The following MACROD2 variants were observed in gnomAD, a reference collection of about 807,000 sequenced individuals.
MACROD2 encodes mono-ADP ribosylhydrolase 2.
A neutral mutation model predicts 70.4 loss-of-function variants in MACROD2; 36 were observed. The ratio of observed to expected loss-of-function variants is 0.51; its 90% CI spans 0.39 to 0.68. The LOEUF (loss-of-function observed/expected upper bound fraction) is 0.68. Among genes scored for constraint, MACROD2 ranks in the 30% least tolerant of loss-of-function variants. MACROD2 has a pLI of 0.00. For synonymous variants in MACROD2, 172 were observed against 178.8 expected, an observed-to-expected ratio of 0.96 and a Z score of 0.30; for missense variants, 496 against 538.4, an observed-to-expected ratio of 0.92 and a Z score of 0.78.
Position 15,563,843 on chromosome 20 carries a change from G to A in MACROD2, c.645+63996G>A, listed in dbSNP as rs146135749. ...AAACAAAATGATCAATGAAAGCAGG[G>A]TAAGGATGAAGGAATCCTTAAACTG... On this transcript the variant is annotated intron_variant, in intron 8 of 17. Transcript: ENST00000684519. Among the ~76,000 whole-genome samples the A allele has an allele frequency of 3.7e-3, 561 of 152,312 alleles. 4 individuals are homozygous for A. Among genetic ancestry groups the A allele is most frequent in the African/African-American group, 0.013 (536 of 41,570 alleles).
intron 3 of MACROD2, among the ~76,000 whole-genome samples, chr20:14,486,513 C>CATT (rs1555795563): frequency 1.0e-5 from 1 of 97,064 alleles, no homozygotes; most frequent in Non-Finnish European, 1.9e-5. Flanking sequence ...AAATAGCCAA[C>CATT]TTTTTATTTT....
intron 5 of MACROD2, among the ~76,000 whole-genome samples, chr20:14,819,059 G>A (rs934559812): frequency 6.6e-6 from 1 of 151,616 alleles, no homozygotes. Flanking sequence ...GAGGTCAGGA[G>A]TTCGAAACCA....
chr20:15,231,278 TTCTC>T (rs2076957193), intron 6 of MACROD2, among the ~76,000 whole-genome samples: 1 of 152,038 alleles, frequency 6.6e-6, no homozygotes. Context: ...TAAGATCCTA[TTCTC>T]TCTTAGAGGT....
At chr20:15,883,935 T>C (rs186174152) in intron 9 of MACROD2, among the ~76,000 whole-genome samples, 374 of 152,252 alleles carry the variant, frequency 2.5e-3, no homozygotes, top group African/African-American at 8.3e-3. Context: ...CTGTGTGATT[T>C]TATTATAATA....
intron 5 of MACROD2, among the ~76,000 whole-genome samples, chr20:14,784,216 C>T (rs916115742): frequency 6.6e-6 from 1 of 152,114 alleles, no homozygotes; most frequent in Non-Finnish European, 1.5e-5. Flanking sequence ...GCTCTGGGGA[C>T]TCCCTTTCCT....
intron 6 of MACROD2, among the ~76,000 whole-genome samples, chr20:15,394,378 G>A (rs1285680770): frequency 1.3e-5 from 2 of 152,144 alleles, no homozygotes; most frequent in African/African-American, 2.4e-5. Flanking sequence ...ATTGTTTGTT[G>A]CCCAAGCTCT....
At chr20:15,293,393 T>C (rs2077558490) in intron 6 of MACROD2, among the ~76,000 whole-genome samples, 1 of 152,244 alleles carries the variant, frequency 6.6e-6, no homozygotes, top group Admixed American at 6.5e-5. Flanking sequence ...ATATAGAGTT[T>C]TTCTATTTTT....
At chr20:15,268,524 G>C (rs1049762242) in intron 6 of MACROD2, among the ~76,000 whole-genome samples, 2 of 152,116 alleles carry the variant, frequency 1.3e-5, no homozygotes, top group Non-Finnish European at 2.9e-5. Flanking sequence ...TGTGGTCGTG[G>C]GCGCCTGTAA....
intron 8 of MACROD2, among the ~76,000 whole-genome samples, chr20:15,820,895 C>T (rs1220774299): frequency 1.3e-5 from 2 of 152,134 alleles, no homozygotes; most frequent in Non-Finnish European, 2.9e-5. Flanking sequence ...AGCCCCAAGT[C>T]GCCTGAATAT....
intron 6 of MACROD2, among the ~76,000 whole-genome samples, chr20:15,299,048 T>C (rs892381437): frequency 1.3e-5 from 2 of 152,214 alleles, no homozygotes; most frequent in Non-Finnish European, 2.9e-5. Flanking sequence ...GGCTACTATT[T>C]TGATATTGCT....
At chr20:15,352,564 G>A (rs2078239498) in intron 6 of MACROD2, among the ~76,000 whole-genome samples, 1 of 152,052 alleles carries the variant, frequency 6.6e-6, no homozygotes. Flanking sequence ...AATACAGCAA[G>A]AATATGCCAT....
chr20:15,554,859 G>A (rs2048145271), intron 8 of MACROD2, among the ~76,000 whole-genome samples: 1 of 152,158 alleles, frequency 6.6e-6, no homozygotes, highest in South Asian at 2.1e-4. Flanking sequence ...GTTTAGCCTT[G>A]GAGGGAATAA....
intron 5 of MACROD2, among the ~76,000 whole-genome samples, chr20:14,826,506 T>C (rs1001485376): frequency 4.6e-5 from 7 of 152,138 alleles, no homozygotes; most frequent in African/African-American, 1.4e-4. Context: ...GAATTTACTG[T>C]TTATTTCCAA....
chr20:14,306,092 A>G (rs2082519055), intron 3 of MACROD2, among the ~76,000 whole-genome samples: 1 of 151,968 alleles, frequency 6.6e-6, no homozygotes, highest in Non-Finnish European at 1.5e-5. Context: ...TCTACCCCTG[A>G]TGCTTCAGCA....
At chr20:14,936,576 C>T (rs1324394) in intron 5 of MACROD2, among the ~76,000 whole-genome samples, 23,391 of 151,824 alleles carry the variant, frequency 0.15, 2,257 homozygotes, top group Middle Eastern at 0.34. Flanking sequence ...CTCTCTCCTC[C>T]AGGAGCTGAT....
chr20:14,993,984 A>T (rs547504722), intron 5 of MACROD2, among the ~76,000 whole-genome samples: 1 of 152,318 alleles, frequency 6.6e-6, no homozygotes, highest in Non-Finnish European at 1.5e-5. Context: ...TTTTAGAAAA[A>T]TGAAACTATC....
chr20:14,940,470 C>T lies in MACROD2; in HGVS notation c.418+255511C>T, dbSNP rs182913417. ...AAGTAGTAAAAGTGAGCATCCTTGTCTTGTTCTAGATCTTAGAGGAAAGGC... is the reference window on the plus strand; with the variant it reads ...AAGTAGTAAAAGTGAGCATCCTTGTTTTGTTCTAGATCTTAGAGGAAAGGC... On this transcript the variant is annotated intron_variant, in intron 5 of 17. Coordinates refer to ENST00000684519, the MANE Select transcript of MACROD2 (RefSeq NM_001351661.2). 2.3e-3 allele frequency among the ~76,000 whole-genome samples: 350 copies of T among 152,252 alleles called. 2 individuals are homozygous for T. The highest frequency in any genetic ancestry group is 5.4e-3 in the Admixed American group (83 of 15,290).
At chr20:15,343,374 A>T (rs1159295202) in intron 6 of MACROD2, among the ~76,000 whole-genome samples, 1 of 152,224 alleles carries the variant, frequency 6.6e-6, no homozygotes, top group African/African-American at 2.4e-5. Flanking sequence ...TCTACTAAAT[A>T]AAAATGTTGG....
intron 7 of MACROD2, among the ~76,000 whole-genome samples, chr20:15,433,212 G>C (rs1324745585): frequency 2.0e-5 from 3 of 151,952 alleles, no homozygotes; most frequent in Non-Finnish European, 4.4e-5. Flanking sequence ...AGAGCAATCA[G>C]ACGAGAGAAA....
Sources: gnomAD v4.1 joint callset for allele counts (sites outside exome capture counted in the v4.1 genomes callset) on GRCh38, gnomAD v4.1.1 for gene constraint, MANE v1.5 for transcripts, NCBI Gene and HGNC (gene_info 2026-07-23, HGNC 2026-07-21) for gene names.